The following KIF1C variants were observed in gnomAD, a reference collection of about 807,000 sequenced individuals.
KIF1C encodes kinesin family member 1C.
KIF1C carries 61 observed loss-of-function variants against 126.5 expected under a neutral mutation model. The observed-to-expected ratio is 0.48, with a 90% confidence interval of 0.39 to 0.60. The LOEUF (loss-of-function observed/expected upper bound fraction) is 0.60, where lower values mean the gene tolerates loss of function less well. Among genes scored for constraint, KIF1C ranks in the 20% least tolerant of loss-of-function variants. The probability of loss-of-function intolerance (pLI) is 0.00; values close to 1 mark genes in which losing one functional copy is unlikely to be tolerated. For synonymous variants in KIF1C, 640 were observed against 580.6 expected, an observed-to-expected ratio of 1.10 and a Z score of -1.47; for missense variants, 1,315 against 1,489.2, an observed-to-expected ratio of 0.88 and a Z score of 1.93.
At chr17:5,007,648 G>A in intron 16 of KIF1C, 106 bp downstream of exon 16, 1 of 846,890 alleles carries the variant, frequency 1.2e-6, no homozygotes, top group Non-Finnish European at 1.8e-6. Flanking sequence ...TCCCTTTGAG[G>A]TCCCCGGCTT....
chr17:5,015,501 C>A (rs1974953367), intron 18 of KIF1C, among the ~76,000 whole-genome samples: 2 of 150,620 alleles, frequency 1.3e-5, no homozygotes, highest in South Asian at 4.2e-4. Context: ...TCAGGCTGGT[C>A]TCGAACTCCT....
chr17:5,001,073 T>C, intron 4 of KIF1C, 149 bp from the exon 5 acceptor site: 1 of 936,734 alleles, frequency 1.1e-6, no homozygotes. Context: ...ATAGGATCCT[T>C]GGGGTGGTAA....
intron 13 of KIF1C, among the ~76,000 whole-genome samples, chr17:5,005,694 C>T (rs945030296): frequency 2.0e-5 from 3 of 151,692 alleles, no homozygotes; most frequent in Non-Finnish European, 2.9e-5. Context: ...GCACACATGA[C>T]GTGGGACCAG....
At position 5,002,757 on chromosome 17, in the gene KIF1C, A is replaced by C. The variant is rs770019961; in HGVS notation, c.635A>C (p.Glu212Ala). The change falls in exon 8 of 23, where the codon GAG (glutamate) becomes GCG (alanine). Residue 212 changes from glutamate to alanine, a missense_variant. By Grantham distance (107) the Glu-to-Ala change is moderately radical. This residue lies in a region of KIF1C where 874 missense variants were observed against 1,053.2 expected (regional missense o/e 0.83). Coordinates refer to ENST00000320785, the MANE Select transcript of KIF1C (RefSeq NM_006612.6). ...ACTGTGGCTGCCACCAACATGAATG[A>C]GACCAGCAGCCGTTCCCATGCCGTC... ...ARTVAATNMN[E>A]TSSRSHAVFT... is the part of the protein sequence containing the mutation. 1 of 1,614,014 alleles carries C rather than the reference A, an allele frequency of 6.2e-7. No individual in the cohort carries two copies. The highest frequency in any genetic ancestry group is 1.7e-5 in the Admixed American group (1 of 59,996).
Position 5,022,144 on chromosome 17 carries a change from G to A in KIF1C, c.2063G>A (p.Ser688Asn). The A allele has an allele frequency of 1.2e-6, 2 of 1,613,678 alleles. No individual in the cohort carries two copies. Among genetic ancestry groups the A allele is most frequent in the South Asian group, 2.2e-5 (2 of 91,072 alleles). Residue 688 changes from serine (S) to asparagine (N), a missense_variant, in exon 22 of 23, where the codon AGC (serine) becomes AAC (asparagine). Coordinates refer to ENST00000320785, the MANE Select transcript of KIF1C (RefSeq NM_006612.6). This position sits in a 1 kb window ranked among gnomAD's most constrained non-coding sequence, Gnocchi z 4.9. Reference sequence around the variant, plus strand: ...TCTGACAAGCGCTCTTGTGAAGAGAGCTGGAGGCTCATCTCCTCCTTGCGG... The same window carrying A: ...TCTGACAAGCGCTCTTGTGAAGAGAACTGGAGGCTCATCTCCTCCTTGCGG... Reference protein sequence around the residue: ...DDSDKRSCEESWRLISSLREQ... With the variant: ...DDSDKRSCEENWRLISSLREQ...
chr17:5,013,581 C>T, intron 16 of KIF1C, 72 bp from the exon 17 acceptor site: 2 of 1,119,388 alleles, frequency 1.8e-6, no homozygotes, highest in Non-Finnish European at 1.4e-6. Context: ...TGTCTCCTCC[C>T]ACCGCTCCCT....
chr17:5,022,327 T>A lies in KIF1C; in HGVS notation c.2246T>A (p.Met749Lys). Reference sequence around the variant, plus strand: ...TGGGCCACCATGGCTGACCTGAAGATGCAGGCGGTGAAGGAGATCTGCTAC... The same window carrying A: ...TGGGCCACCATGGCTGACCTGAAGAAGCAGGCGGTGAAGGAGATCTGCTAC... ...PRWATMADLKMQAVKEICYEV... is the reference protein window; with the variant it reads ...PRWATMADLKKQAVKEICYEV... The change falls in exon 22 of 23, where the codon ATG becomes AAG. Residue 749 changes from methionine (M) to lysine (K), a missense_variant. Physicochemically the swap from Met to Lys is moderately conservative, Grantham distance 95. Around this residue, in one of 2 missense-constraint regions of KIF1C, gnomAD observed 874 missense variants for 1,053.2 expected, o/e 0.83. Transcript: ENST00000320785. The surrounding 1 kb of genome is among the most constrained non-coding windows in gnomAD (Gnocchi z 4.9). 1 of 1,605,322 alleles carries A rather than the reference T, an allele frequency of 6.2e-7. No homozygotes were observed. Among genetic ancestry groups the A allele is most frequent in the Non-Finnish European group, 8.5e-7 (1 of 1,175,700 alleles).
chr17:5,017,023 G>C (rs1207383687), intron 18 of KIF1C, among the ~76,000 whole-genome samples: 1 of 152,058 alleles, frequency 6.6e-6, no homozygotes, highest in Non-Finnish European at 1.5e-5. Context: ...CCGGCATTTT[G>C]GGTTGAAAGC....
At chr17:5,000,055 A>T (rs1974540774) in intron 2 of KIF1C, 85 bp downstream of exon 2, 3 of 592,828 alleles carry the variant, frequency 5.1e-6, no homozygotes, top group Non-Finnish European at 9.1e-6. Flanking sequence ...GTCTCTCAAG[A>T]CAGTGACATT....
intron 13 of KIF1C, among the ~76,000 whole-genome samples, chr17:5,005,767 G>C (rs556620700): frequency 2.7e-5 from 4 of 148,808 alleles, no homozygotes; most frequent in Non-Finnish European, 5.9e-5. Context: ...TTGCTCTGTC[G>C]CTAGGCTGGA....
chr17:5,018,566 G>A (rs1975026934), intron 18 of KIF1C, among the ~76,000 whole-genome samples: 1 of 151,942 alleles, frequency 6.6e-6, no homozygotes, highest in South Asian at 2.1e-4. Context: ...GTGCATGCCT[G>A]TAATCCCAGC....
Position 5,001,324 on chromosome 17 carries a change from T to C in KIF1C, c.286T>C (p.Tyr96His). 6.2e-7 allele frequency: 1 copy of C among 1,614,150 alleles called. No individual in the cohort carries two copies. The highest frequency in any genetic ancestry group is 8.5e-7 in the Non-Finnish European group (1 of 1,179,988). ...AGGCTACAACGTGTGCATCTTTGCC[T>C]ATGGGCAGACCGGGGCTGGGAAATC... ...FEGYNVCIFA[Y>H]GQTGAGKSYT... The change falls in exon 5 of 23, where the codon TAT becomes CAT. Residue 96 changes from tyrosine (Y) to histidine (H), a missense_variant. Coordinates refer to ENST00000320785, the MANE Select transcript of KIF1C (RefSeq NM_006612.6).
In KIF1C at chr17:5,023,945, G is replaced by A; in HGVS notation, c.3106G>A (p.Gly1036Arg). 1.3e-6 allele frequency: 2 copies of A among 1,575,240 alleles called. No homozygotes were observed. The highest frequency in any genetic ancestry group is 1.7e-6 in the Non-Finnish European group (2 of 1,160,374). Residue 1036 changes from glycine (G) to arginine (R), a missense_variant, in exon 23 of 23, where the codon GGA becomes AGA. By Grantham distance (125) the Gly-to-Arg change is moderately radical. Transcript: ENST00000320785. The surrounding 1 kb of genome is among the most constrained non-coding windows in gnomAD (Gnocchi z 4.2). ...CCATCCCCGCAGGAACTCCCTGGAT[G>A]GAGGGGGCCGATCCCGGGGAGCGGG... is the stretch of plus-strand genomic sequence containing the variant. ...SHHPRRNSLD[G>R]GGRSRGAGSA...
chr17:5,023,493 G>A lies in KIF1C; in HGVS notation c.2654G>A (p.Gly885Asp), dbSNP rs1198013464. 1.2e-6 allele frequency: 2 copies of A among 1,613,930 alleles called. No individual in the cohort carries two copies. The highest frequency in any genetic ancestry group is 1.3e-5 in the African/African-American group (1 of 74,880). The change falls in exon 23 of 23, where the codon GGT becomes GAT. Residue 885 changes from glycine to aspartate, a missense_variant. This residue lies in a region of KIF1C where 441 missense variants were observed against 436.1 expected (regional missense o/e 1.01). Coordinates refer to ENST00000320785, the MANE Select transcript of KIF1C (RefSeq NM_006612.6). This position sits in a 1 kb window ranked among gnomAD's most constrained non-coding sequence, Gnocchi z 4.2. ...GATCATGAGGATGAGAATGAAGAAGGTGGTGAGGTCCCCTGGGCCCCGCCT... is the reference window on the plus strand; with the variant it reads ...GATCATGAGGATGAGAATGAAGAAGATGGTGAGGTCCCCTGGGCCCCGCCT... ...AQDHEDENEEGGEVPWAPPEG... is the reference protein window; with the variant it reads ...AQDHEDENEEDGEVPWAPPEG...
At chr17:5,000,473 C>G in intron 3 of KIF1C, 121 bp downstream of exon 3, 1 of 746,224 alleles carries the variant, frequency 1.3e-6, no homozygotes, top group Non-Finnish European at 2.3e-6. Context: ...AGGTGCTAGT[C>G]GTAAGGGCGG....
intron 6 of KIF1C, 131 bp from the exon 7 acceptor site, chr17:5,002,333 T>TA (rs1974615859): frequency 2.0e-6 from 2 of 999,624 alleles, no homozygotes; most frequent in East Asian, 4.8e-5. Context: ...GTCGCTGAGC[T>TA]AGCATCTGCA....
At position 5,003,911 on chromosome 17, in the gene KIF1C, G is replaced by C; in HGVS notation, c.859G>C (p.Asp287His). The C allele has an allele frequency of 6.2e-7, 1 of 1,613,906 alleles. No homozygotes were observed. The highest frequency in any genetic ancestry group is 1.3e-5 in the African/African-American group (1 of 75,014). Residue 287 changes from aspartate (D) to histidine (H), a missense_variant, in exon 10 of 23, where the codon GAT (aspartate) becomes CAT (histidine). Physicochemically the swap from Asp to His is moderately conservative, Grantham distance 81. This residue lies in a region of KIF1C where 874 missense variants were observed against 1,053.2 expected (regional missense o/e 0.83). Coordinates refer to ENST00000320785, the MANE Select transcript of KIF1C (RefSeq NM_006612.6). ...AGGGAAAGTGATCTCGGCCCTTGCAGATATGGTGAGACCTGGGTGTTGGAA... is the reference window on the plus strand; with the variant it reads ...AGGGAAAGTGATCTCGGCCCTTGCACATATGGTGAGACCTGGGTGTTGGAA... ...TLGKVISALA[D>H]MQSKKRKSDF...
At chr17:5,014,205 G>C (rs1199820946) in intron 17 of KIF1C, 1 of 174,668 alleles carries the variant, frequency 5.7e-6, no homozygotes, top group Non-Finnish European at 1.2e-5. Flanking sequence ...ACAGGCATTC[G>C]TGGCTGTCCT....
intron 18 of KIF1C, among the ~76,000 whole-genome samples, chr17:5,016,590 G>A (rs1442250956): frequency 6.6e-6 from 1 of 151,528 alleles, no homozygotes; most frequent in African/African-American, 2.4e-5. Flanking sequence ...TATCATGTGC[G>A]TCTTACAGTG....
Sources: allele counts gnomAD v4.1 joint callset (sites outside exome capture counted in the v4.1 genomes callset), GRCh38; gene constraint gnomAD v4.1.1; regional missense constraint gnomAD v4.1.1; non-coding constraint Gnocchi (gnomAD v3.1); transcripts MANE v1.5; gene names NCBI Gene and HGNC (gene_info 2026-07-23, HGNC 2026-07-21).